Variants in TPR observed in about 807,000 individuals in gnomAD.
TPR encodes the protein translocated promoter region, nuclear basket protein, also known as nucleoprotein TPR.
TPR carries 51 observed loss-of-function variants against 316.1 expected under a neutral mutation model. The ratio of observed to expected loss-of-function variants is 0.16; its 90% CI spans 0.13 to 0.20. The LOEUF is 0.20. Ranked by LOEUF, TPR falls within the 10% of genes least tolerant of loss-of-function variation. TPR has a pLI of 1.00. For synonymous variants in TPR, 981 were observed against 914.7 expected (o/e 1.07, Z -1.31); for missense variants, 2,272 against 2,754.8 (o/e 0.82, Z 3.92).
chr1:186,337,066 G>T lies in TPR; in HGVS notation c.4453C>A (p.Gln1485Lys). The T allele has an allele frequency of 6.2e-7, 1 of 1,613,888 alleles. No individual in the cohort carries two copies. The highest frequency in any genetic ancestry group is 1.3e-5 in the African/African-American group (1 of 75,028). ...AGTGATTTTGATTTTGTTTCAGCTT[G>T]GTTGAGCGTTTCTTTGAGTTCCTGC... ...EMQELKETLN[Q>K]AETKSKSLES... Residue 1485 changes from glutamine to lysine, a missense_variant, in exon 32 of 51, where the codon CAA becomes AAA. Around this residue, in one of 10 missense-constraint regions of TPR, gnomAD observed 101 missense variants for 113.0 expected, o/e 0.89. Coordinates refer to ENST00000367478, the MANE Select transcript of TPR (RefSeq NM_003292.3).
rs551654429 is a variant in TPR, at chr1:186,326,148, C to A, written c.5977G>T (p.Gly1993Cys). 1 of 1,611,158 alleles carries A rather than the reference C, an allele frequency of 6.2e-7. No homozygotes were observed. The highest frequency in any genetic ancestry group is 1.7e-5 in the Admixed American group (1 of 59,976). Reference sequence around the variant, plus strand: ...TAACCATCATTGCCATCGGCACTACCAGTTCCTTCATTACTATCTTCACCC... The same window carrying A: ...TAACCATCATTGCCATCGGCACTACAAGTTCCTTCATTACTATCTTCACCC... ...DEGEDSNEGT[G>C]SADGNDGYEA... Residue 1993 changes from glycine to cysteine, a missense_variant, in exon 41 of 51, where the codon GGT (glycine) becomes TGT (cysteine). Gly to Cys is a radical substitution (Grantham distance 159). This residue lies in a region of TPR where 435 missense variants were observed against 461.1 expected (regional missense o/e 0.94). Transcript: ENST00000367478.
chr1:186,317,397 T>C lies in TPR; in HGVS notation c.6940+85A>G, dbSNP rs940711658. 1.1e-5 allele frequency: 11 copies of C among 1,039,100 alleles called. No homozygotes were observed. In the Admixed American group the frequency reaches 2.0e-4, roughly 19 times the overall value. 64.4% of individuals were successfully genotyped at this position (1,039,100 alleles called of 1,614,324 possible). A position where few individuals can be genotyped will look rare whatever the true frequency, so the allele number is the denominator to read the frequency against. ...ATTTTAAAATACAGGAAAAAAGGAT[T>C]ATTAATTTGTTACTAATAAAGCAGT... On this transcript the variant is annotated intron_variant, in intron 49 of 50. Transcript: ENST00000367478.
In TPR at chr1:186,334,617, T is replaced by C. The variant is rs916357443; in HGVS notation, c.4974-84A>G. 3.6e-6 allele frequency: 5 copies of C among 1,385,704 alleles called. No individual in the cohort carries two copies. In the East Asian group the frequency reaches 1.2e-4, roughly 32 times the overall value. The allele number at this position is 1,385,704 out of a possible 1,614,324, so 85.8% of individuals were successfully genotyped here. ...AAAACACAGTGAGTATAGGTCTCCA[T>C]TTTTTTGTTCACTAAATATTTCAGA... On this transcript the variant is annotated intron_variant, in intron 35 of 50. Coordinates refer to ENST00000367478, the MANE Select transcript of TPR (RefSeq NM_003292.3).
chr1:186,351,355 C>T lies in TPR; in HGVS notation c.2585G>A (p.Arg862Lys), dbSNP rs2101975110. The T allele has an allele frequency of 6.2e-7, 1 of 1,611,564 alleles. No homozygotes were observed. The highest frequency in any genetic ancestry group is 1.1e-5 in the South Asian group (1 of 90,400). Reference sequence around the variant, plus strand: ...ATCTAGATTTCTAGTAAGTGTATGCCTTTGTTCCACCTCATTTTCCAACTT... The same window carrying T: ...ATCTAGATTTCTAGTAAGTGTATGCTTTTGTTCCACCTCATTTTCCAACTT... ...KKKLENEVEQ[R>K]HTLTRNLDVQ... is the part of the protein sequence containing the mutation. Residue 862 changes from arginine (R) to lysine (K), a missense_variant, in exon 20 of 51, where the codon AGG becomes AAG. By Grantham distance (26) the Arg-to-Lys change is conservative. Coordinates refer to ENST00000367478, the MANE Select transcript of TPR (RefSeq NM_003292.3).
At chr1:186,363,066 G>T in intron 5 of TPR, 65 bp from the exon 6 acceptor site, 3 of 1,503,544 alleles carry the variant, frequency 2.0e-6, no homozygotes, top group Admixed American at 5.0e-5. Context: ...AAAAGATTTT[G>T]TCTGTAGCTA....
chr1:186,340,073 A>G (rs1392670363), intron 29 of TPR, among the ~76,000 whole-genome samples: 2 of 152,242 alleles, frequency 1.3e-5, no homozygotes, highest in African/African-American at 2.4e-5. Context: ...TGAAGAATCA[A>G]AACTTTCAAT....
intron 2 of TPR, among the ~76,000 whole-genome samples, chr1:186,371,829 A>G (rs1017123261): frequency 7.2e-5 from 11 of 152,294 alleles, no homozygotes; most frequent in African/African-American, 2.6e-4. Context: ...TGCTTTCCAG[A>G]CTTACTGATC....
chr1:186,356,482 GA>G, intron 14 of TPR, 33 bp from the exon 15 acceptor site: 2 of 1,556,602 alleles, frequency 1.3e-6, no homozygotes, highest in Non-Finnish European at 1.8e-6. Flanking sequence ...TCACAGGACT[GA>G]ACTGAGAGTT....
chr1:186,372,491 A>C (rs1358532342), intron 2 of TPR, among the ~76,000 whole-genome samples: 1 of 152,256 alleles, frequency 6.6e-6, no homozygotes, highest in East Asian at 1.9e-4. Context: ...GCAGAGAGCC[A>C]AGATTGCACC....
chr1:186,359,741 A>C lies in TPR; in HGVS notation c.1389+58T>G, dbSNP rs190979306. On this transcript the variant is annotated intron_variant, in intron 12 of 50. Coordinates refer to ENST00000367478, the MANE Select transcript of TPR (RefSeq NM_003292.3). The stretch of plus-strand genomic sequence containing the variant: ...ATCACCTTAAGAAAAAAAAATACCT[A>C]GTAAATCATTTCTCATTTGTATTGT... 14 of 1,512,416 alleles carry C rather than the reference A, an allele frequency of 9.3e-6. No individual in the cohort carries two copies. The Admixed American group carries it at 2.0e-4, about 22-fold the overall frequency. 93.7% of individuals were successfully genotyped at this position (1,512,416 alleles called of 1,614,324 possible). A position where few individuals can be genotyped will look rare whatever the true frequency, so the allele number is the denominator to read the frequency against.
intron 18 of TPR, among the ~76,000 whole-genome samples, chr1:186,352,421 A>G (rs1474764868): frequency 2.0e-5 from 3 of 152,188 alleles, no homozygotes; most frequent in Non-Finnish European, 4.4e-5. Flanking sequence ...GAATTGCATG[A>G]CTGCTGTAAT....
intron 42 of TPR, among the ~76,000 whole-genome samples, chr1:186,324,647 C>G (rs1657863930): frequency 6.6e-6 from 1 of 152,186 alleles, no homozygotes; most frequent in Admixed American, 6.5e-5. Flanking sequence ...TCAGATTCTT[C>G]ATTGATACCT....
At chr1:186,369,739 C>A (rs1659463660) in intron 3 of TPR, among the ~76,000 whole-genome samples, 1 of 151,854 alleles carries the variant, frequency 6.6e-6, no homozygotes, top group African/African-American at 2.4e-5. Context: ...ATTTCCTTTT[C>A]TTGTCTGATT....
rs748545399 is a variant in TPR at position 186,333,249 on chromosome 1, C to T, written c.5328G>A (p.Val1776=). The part of the protein sequence containing the change: ...VQQQTQATAF[V]QPTQQSHPQI... ...GAGGATGACTCTGTTGAGTGGGTTG[C>T]ACAAAAGCTGTAGCCTGTGTTTGTT... The change falls in exon 37 of 51, where the codon GTG becomes GTA. Residue 1776 remains valine (V), a synonymous_variant. Coordinates refer to ENST00000367478, the MANE Select transcript of TPR (RefSeq NM_003292.3). 4.3e-6 allele frequency: 7 copies of T among 1,613,522 alleles called. No individual in the cohort carries two copies. The East Asian group carries it at 1.6e-4, about 36-fold the overall frequency.
chr1:186,312,882 G>A lies in TPR; in HGVS notation c.*1089C>T, dbSNP rs1160404774. 3 of 1,612,380 alleles carry A rather than the reference G, an allele frequency of 1.9e-6. No homozygotes were observed. The highest frequency in any genetic ancestry group is 2.5e-6 in the Non-Finnish European group (3 of 1,178,438). ...AAAACCTGACGGCTATGATTACTATGCCTTTTCTAAAGGTAAGGTATTAAC... is the reference window on the plus strand; with the variant it reads ...AAAACCTGACGGCTATGATTACTATACCTTTTCTAAAGGTAAGGTATTAAC... On this transcript the variant is annotated 3_prime_UTR_variant, in exon 51 of 51. Coordinates refer to ENST00000367478, the MANE Select transcript of TPR (RefSeq NM_003292.3).
intron 14 of TPR, among the ~76,000 whole-genome samples, chr1:186,357,051 A>AT (rs1406229855): frequency 4.6e-5 from 7 of 151,868 alleles, no homozygotes; most frequent in African/African-American, 9.7e-5. Context: ...GAACACATAG[A>AT]TTTTTTTTGC....
intron 1 of TPR, among the ~76,000 whole-genome samples, chr1:186,374,298 T>C (rs765057347): frequency 3.3e-4 from 50 of 152,294 alleles, no homozygotes; most frequent in Non-Finnish European, 6.8e-4. Context: ...TACAAGAAAA[T>C]TTTAATGTTT....
chr1:186,323,975 G>A (rs1291467248), intron 42 of TPR, 105 bp from the exon 43 acceptor site: 27 of 1,201,698 alleles, frequency 2.2e-5, no homozygotes, highest in East Asian at 2.0e-4. Context: ...TTCACCGTAC[G>A]AATATTTTCA....
chr1:186,343,145 T>G, intron 27 of TPR, 181 bp downstream of exon 27: 1 of 662,760 alleles, frequency 1.5e-6, no homozygotes, highest in Non-Finnish European at 2.2e-6. Context: ...GCAGTTTGGT[T>G]ACAGAGCCTT....
Sources: gnomAD v4.1 joint callset for allele counts (sites outside exome capture counted in the v4.1 genomes callset) on GRCh38, gnomAD v4.1.1 for gene constraint, gnomAD v4.1.1 regional missense constraint, MANE v1.5 for transcripts, NCBI Gene and HGNC (gene_info 2026-07-23, HGNC 2026-07-21) for gene names.